Variants in NEK11 observed in about 807,000 individuals in gnomAD.
NEK11 encodes NIMA related kinase 11.
A neutral mutation model predicts 80.7 loss-of-function variants in NEK11; 72 were observed. The ratio of observed to expected loss-of-function variants is 0.89; its 90% CI spans 0.74 to 1.08. The LOEUF is 1.08. Among genes scored for constraint, NEK11 ranks in the 50% least tolerant of loss-of-function variants. NEK11 has a pLI of 0.00. For missense variants in NEK11, 764 were observed against 763.6 expected (o/e 1.00, Z -0.01); for synonymous variants, 251 against 260.7 (o/e 0.96, Z 0.36).
intron 14 of NEK11, among the ~76,000 whole-genome samples, chr3:131,202,701 A>C (rs1375868493): frequency 6.6e-6 from 1 of 152,198 alleles, no homozygotes; most frequent in Non-Finnish European, 1.5e-5. Flanking sequence ...TAATATCCAG[A>C]ATCTACAAAG....
At chr3:131,245,675 C>A (rs2095590131) in intron 16 of NEK11, among the ~76,000 whole-genome samples, 1 of 151,938 alleles carries the variant, frequency 6.6e-6, no homozygotes, top group African/African-American at 2.4e-5. Flanking sequence ...TTTTAATTTG[C>A]ATTTATCTGA....
chr3:131,333,772 G>T (rs2097135220), intron 17 of NEK11, among the ~76,000 whole-genome samples: 1 of 152,200 alleles, frequency 6.6e-6, no homozygotes, highest in South Asian at 2.1e-4. Flanking sequence ...GATGGAGGAA[G>T]ATCTAGCAAG....
chr3:131,267,784 T>C (rs535401676), intron 16 of NEK11, among the ~76,000 whole-genome samples: 1 of 152,312 alleles, frequency 6.6e-6, no homozygotes, highest in African/African-American at 2.4e-5. Context: ...ATCTTTGTGG[T>C]GTTCTCTGTA....
chr3:131,196,722 G>A (rs2094024932), intron 14 of NEK11, among the ~76,000 whole-genome samples: 1 of 151,894 alleles, frequency 6.6e-6, no homozygotes, highest in East Asian at 1.9e-4. Flanking sequence ...TAGTAGAAAT[G>A]GGGTTTCACC....
At chr3:131,264,803 G>C (rs2096013738) in intron 16 of NEK11, among the ~76,000 whole-genome samples, 1 of 152,140 alleles carries the variant, frequency 6.6e-6, no homozygotes, top group South Asian at 2.1e-4. Context: ...ATTACCTTGG[G>C]CAGTATGGCC....
At chr3:131,096,857 G>T (rs984848034) in intron 4 of NEK11, among the ~76,000 whole-genome samples, 20 of 149,878 alleles carry the variant, frequency 1.3e-4, no homozygotes, top group African/African-American at 3.9e-4. Flanking sequence ...TTAGCATTAG[G>T]TATATCTCCT....
chr3:131,113,372 TG>T (rs2080441844), intron 5 of NEK11, among the ~76,000 whole-genome samples: 1 of 152,090 alleles, frequency 6.6e-6, no homozygotes, highest in Non-Finnish European at 1.5e-5. Context: ...TGACTTTGTT[TG>T]GGTTCCTACA....
At position 131,173,741 on chromosome 3, in the gene NEK11, AG is replaced by A. The variant is rs200849744; in HGVS notation, c.1399+2855del. Among the ~76,000 whole-genome samples, 398 of 152,196 alleles carry A rather than the reference AG, an allele frequency of 2.6e-3. 3 individuals carry two copies. Among genetic ancestry groups the A allele is most frequent in the African/African-American group, 9.2e-3 (382 of 41,534 alleles). The stretch of plus-strand genomic sequence containing the variant: ...GTTATAGCCAAATTACTCCCAAGCT[AG>A]CCTTGACCACAGGTTCCAGCTACTA... On this transcript the variant is annotated intron_variant, in intron 14 of 17. Coordinates refer to ENST00000383366, the MANE Select transcript of NEK11 (RefSeq NM_024800.5).
At chr3:131,074,508 A>G (rs2074003224) in intron 3 of NEK11, among the ~76,000 whole-genome samples, 1 of 152,136 alleles carries the variant, frequency 6.6e-6, no homozygotes, top group Non-Finnish European at 1.5e-5. Flanking sequence ...AATATACAGC[A>G]TATATAAAAT....
chr3:131,043,382 G>T (rs1182822357), intron 3 of NEK11, among the ~76,000 whole-genome samples: 1 of 152,206 alleles, frequency 6.6e-6, no homozygotes, highest in Admixed American at 6.5e-5. Context: ...TAGAGGAGTT[G>T]CTAACTAGAA....
chr3:131,152,622 A>C lies in NEK11; in HGVS notation c.798-9A>C. ...ACCTGAAAAATAATTTTCTGTTTAA[A>C]CATTACAGCATGTTGAACAAGAATC... On this transcript the variant is annotated splice_polypyrimidine_tract_variant and intron_variant, in intron 8 of 17. Transcript: ENST00000383366. 6.2e-7 allele frequency: 1 copy of C among 1,611,014 alleles called. No individual in the cohort carries two copies. The highest frequency in any genetic ancestry group is 8.5e-7 in the Non-Finnish European group (1 of 1,178,864).
intron 4 of NEK11, among the ~76,000 whole-genome samples, chr3:131,094,820 A>C (rs1021192913): frequency 2.6e-4 from 40 of 152,210 alleles, no homozygotes; most frequent in Admixed American, 7.9e-4. Flanking sequence ...TATGGGTTTG[A>C]CAAACCAGAC....
intron 14 of NEK11, among the ~76,000 whole-genome samples, chr3:131,189,833 C>T (rs2093726504): frequency 6.6e-6 from 1 of 152,106 alleles, no homozygotes; most frequent in Non-Finnish European, 1.5e-5. Flanking sequence ...CATAGCATTA[C>T]TGTGAGGAAT....
intron 2 of NEK11, 79 bp from the exon 3 acceptor site, chr3:131,029,534 A>G (rs535076308): frequency 1.9e-6 from 1 of 531,100 alleles, no homozygotes; most frequent in African/African-American, 1.9e-5. Context: ...CAAGGTGCAG[A>G]TATCACTGCA....
At chr3:131,203,634 G>A (rs543353437) in intron 14 of NEK11, among the ~76,000 whole-genome samples, 3 of 122,212 alleles carry the variant, frequency 2.5e-5, no homozygotes, top group South Asian at 5.3e-4. Context: ...TTTTCAAAAC[G>A]GTGATATTGT....
At chr3:131,083,316 C>T (rs2075546918) in intron 4 of NEK11, among the ~76,000 whole-genome samples, 1 of 151,930 alleles carries the variant, frequency 6.6e-6, no homozygotes, top group African/African-American at 2.4e-5. Flanking sequence ...TGGGTGGTTT[C>T]AGTGGGCTGA....
chr3:131,343,198 T>C (rs886162970), intron 17 of NEK11, among the ~76,000 whole-genome samples: 1 of 152,130 alleles, frequency 6.6e-6, no homozygotes, highest in Non-Finnish European at 1.5e-5. Context: ...TAGCAGGTCA[T>C]GTGTGTACCC....
intron 4 of NEK11, among the ~76,000 whole-genome samples, chr3:131,094,168 T>C (rs1204376307): frequency 6.6e-6 from 1 of 151,174 alleles, no homozygotes; most frequent in African/African-American, 2.4e-5. Context: ...GTATGATCTT[T>C]TTCAGTGAGG....
chr3:131,078,450 T>G (rs2074733253), intron 3 of NEK11, among the ~76,000 whole-genome samples: 1 of 152,192 alleles, frequency 6.6e-6, no homozygotes, highest in Non-Finnish European at 1.5e-5. Context: ...TAACGAGTTT[T>G]TAATTTTGTT....
Sources: gnomAD v4.1 joint callset for allele counts (sites outside exome capture counted in the v4.1 genomes callset) on GRCh38, gnomAD v4.1.1 for gene constraint, MANE v1.5 for transcripts, NCBI Gene and HGNC (gene_info 2026-07-23, HGNC 2026-07-21) for gene names.